SH3D19: variants seen among roughly 807,000 people sequenced by gnomAD.
The protein encoded by SH3D19 is SH3 domain-containing protein 19.
A neutral mutation model predicts 112.1 loss-of-function variants in SH3D19; 58 were observed. The ratio of observed to expected loss-of-function variants is 0.52; its 90% CI spans 0.42 to 0.64. The LOEUF (loss-of-function observed/expected upper bound fraction) is 0.64. Among genes scored for constraint, SH3D19 ranks in the 30% least tolerant of loss-of-function variants. The probability of loss-of-function intolerance (pLI) is 0.00; values close to 1 mark genes in which losing one functional copy is unlikely to be tolerated. For synonymous variants in SH3D19, 391 were observed against 448.5 expected, an observed-to-expected ratio of 0.87 and a Z score of 1.62; for missense variants, 1,090 against 1,263.4, an observed-to-expected ratio of 0.86 and a Z score of 2.08.
intron 1 of SH3D19, among the ~76,000 whole-genome samples, chr4:151,292,741 G>A (rs1775428655): frequency 6.6e-6 from 1 of 152,046 alleles, no homozygotes; most frequent in South Asian, 2.1e-4. Flanking sequence ...AAGTTTTATT[G>A]CATCTGTGTC....
chr4:151,218,043 T>C (rs1580222932), intron 2 of SH3D19, among the ~76,000 whole-genome samples: 2 of 152,142 alleles, frequency 1.3e-5, no homozygotes, highest in Non-Finnish European at 2.9e-5. Flanking sequence ...CAGACTAGGA[T>C]AGACACTGAA....
intron 1 of SH3D19, among the ~76,000 whole-genome samples, chr4:151,242,396 T>C (rs1424561649): frequency 1.3e-5 from 2 of 152,138 alleles, no homozygotes; most frequent in Non-Finnish European, 2.9e-5. Flanking sequence ...TGTCCTACAA[T>C]GAGTCCTATT....
chr4:151,251,828 C>A (rs2407167), intron 1 of SH3D19, among the ~76,000 whole-genome samples: 132,350 of 152,142 alleles, frequency 0.87, 58,483 homozygotes, highest in Non-Finnish European at 0.96. Flanking sequence ...TCAGCTGCCC[C>A]GCAGTCACAC....
rs1171903075 is a variant in SH3D19 at position 151,174,704 on chromosome 4, C to T, written c.1500G>A (p.Leu500=). 1.3e-6 allele frequency: 2 copies of T among 1,514,284 alleles called. No homozygotes were observed. The highest frequency in any genetic ancestry group is 2.3e-5 in the East Asian group (1 of 43,910). 93.8% of individuals were successfully genotyped at this position (1,514,284 alleles called of 1,614,324 possible). A position where few individuals can be genotyped will look rare whatever the true frequency, so the allele number is the denominator to read the frequency against. ...DDVLPTPSGN[L]AEESVGSEMV... ...TCTCTGAACCAACAGATTCTTCAGC[C>T]AGGTTCCCCGATGGGGTGGGCAAAA... Residue 500 remains leucine, a synonymous_variant, in exon 7 of 20, where the codon CTG becomes CTA. Coordinates refer to ENST00000604030, the MANE Select transcript of SH3D19 (RefSeq NM_001378122.1).
At chr4:151,245,771 T>G (rs1310482263) in intron 1 of SH3D19, among the ~76,000 whole-genome samples, 1 of 152,160 alleles carries the variant, frequency 6.6e-6, no homozygotes, top group African/African-American at 2.4e-5. Context: ...CTAGCTAATT[T>G]TTATATTTTT....
intron 15 of SH3D19, among the ~76,000 whole-genome samples, chr4:151,134,671 GCTTT>G (rs1443733064): frequency 6.6e-6 from 1 of 152,154 alleles, no homozygotes; most frequent in Non-Finnish European, 1.5e-5. Context: ...TGTCTTTGCT[GCTTT>G]CTTTATGTCC....
intron 1 of SH3D19, among the ~76,000 whole-genome samples, chr4:151,305,805 T>C (rs547151867): frequency 1.9e-4 from 29 of 152,212 alleles, no homozygotes; most frequent in Non-Finnish European, 3.2e-4. Context: ...TACCATATGA[T>C]CCAGCAAACC....
At chr4:151,153,208 CAT>C (rs1755403381) in intron 9 of SH3D19, among the ~76,000 whole-genome samples, 1 of 152,062 alleles carries the variant, frequency 6.6e-6, no homozygotes, top group Non-Finnish European at 1.5e-5. Flanking sequence ...GAGTGGCCTC[CAT>C]ATGTTTCTTA....
At chr4:151,190,735 G>T (rs1303131403) in intron 2 of SH3D19, among the ~76,000 whole-genome samples, 1 of 152,208 alleles carries the variant, frequency 6.6e-6, no homozygotes, top group Non-Finnish European at 1.5e-5. Flanking sequence ...TGCTGCAGGG[G>T]TGGGGCTCTC....
At chr4:151,276,807 T>C (rs1008634348) in intron 1 of SH3D19, among the ~76,000 whole-genome samples, 3 of 152,220 alleles carry the variant, frequency 2.0e-5, no homozygotes, top group Non-Finnish European at 2.9e-5. Context: ...TCATTTCCTC[T>C]TTTCCATTTC....
intron 12 of SH3D19, 58 bp from the exon 13 acceptor site, chr4:151,139,905 T>G: frequency 1.9e-6 from 3 of 1,566,242 alleles, no homozygotes; most frequent in Non-Finnish European, 2.6e-6. Flanking sequence ...GGATTTATTA[T>G]TCACTCTGAG....
chr4:151,270,461 G>T (rs572643261), intron 1 of SH3D19, among the ~76,000 whole-genome samples: 1 of 152,118 alleles, frequency 6.6e-6, no homozygotes, highest in Non-Finnish European at 1.5e-5. Context: ...AGCAGATGCC[G>T]CTATGCCTCC....
At chr4:151,290,506 G>GT in intron 1 of SH3D19, among the ~76,000 whole-genome samples, 1 of 152,326 alleles carries the variant, frequency 6.6e-6, no homozygotes, top group East Asian at 1.9e-4. Context: ...GAGGCAGAGA[G>GT]TGGACTACTG....
intron 1 of SH3D19, among the ~76,000 whole-genome samples, chr4:151,264,419 C>G (rs2149991350): frequency 1.0e-5 from 1 of 99,836 alleles, no homozygotes; most frequent in Middle Eastern, 6.0e-3. Context: ...CAGAGTGAGA[C>G]TCTGTCTCAA....
intron 1 of SH3D19, among the ~76,000 whole-genome samples, chr4:151,263,661 A>C (rs1158408210): frequency 6.6e-6 from 1 of 152,234 alleles, no homozygotes; most frequent in African/African-American, 2.4e-5. Flanking sequence ...ATCAGCTTCC[A>C]AGCTCACTCA....
intron 1 of SH3D19, among the ~76,000 whole-genome samples, chr4:151,287,379 C>A (rs76167872): frequency 0.079 from 11,726 of 149,214 alleles, 528 homozygotes; most frequent in Middle Eastern, 0.12. Flanking sequence ...CACTTCCCAA[C>A]TCATTCGAGA....
chr4:151,150,955 A>AC (rs1754952006), intron 9 of SH3D19, among the ~76,000 whole-genome samples: 1 of 140,898 alleles, frequency 7.1e-6, no homozygotes, highest in African/African-American at 2.9e-5. Flanking sequence ...CCCTCACAAA[A>AC]TTCTTTTTTT....
chr4:151,200,417 A>G (rs1266248610), intron 2 of SH3D19, among the ~76,000 whole-genome samples: 5 of 152,236 alleles, frequency 3.3e-5, no homozygotes, highest in South Asian at 4.1e-4. Flanking sequence ...TTAAAAATTA[A>G]GTTATACAAA....
chr4:151,198,694 A>G (rs758516626), intron 2 of SH3D19, among the ~76,000 whole-genome samples: 7 of 151,952 alleles, frequency 4.6e-5, no homozygotes, highest in Non-Finnish European at 1.0e-4. Flanking sequence ...AAATATATAC[A>G]TAACGGCAAA....
Sources: allele counts gnomAD v4.1 joint callset (sites outside exome capture counted in the v4.1 genomes callset), GRCh38; gene constraint gnomAD v4.1.1; transcripts MANE v1.5; gene names NCBI Gene and HGNC (gene_info 2026-07-23, HGNC 2026-07-21).